Variants in PPP6C observed in about 807,000 individuals in gnomAD.
PPP6C encodes serine/threonine-protein phosphatase 6 catalytic subunit.
In PPP6C, 11 loss-of-function variants were observed where a neutral mutation model predicts 39.8. The ratio of observed to expected loss-of-function variants is 0.28; its 90% confidence interval spans 0.17 to 0.46. The LOEUF (loss-of-function observed/expected upper bound fraction) is 0.46, where lower values mean the gene tolerates loss of function less well. Among genes scored for constraint, PPP6C ranks in the 20% least tolerant of loss-of-function variants. The pLI is 1.00. For synonymous variants in PPP6C, 129 were observed against 130.3 expected (o/e 0.99, Z 0.07); for missense variants, 211 against 373.9 (o/e 0.56, Z 3.59).
chr9:125,150,030 A>C, intron 6 of PPP6C, 109 bp from the exon 7 acceptor site: 1 of 1,367,608 alleles, frequency 7.3e-7, no homozygotes, highest in Non-Finnish European at 9.8e-7. Context: ...CATCAAGATT[A>C]TAGAACGCAC....
chr9:125,181,238 C>T (rs115524234), intron 1 of PPP6C, among the ~76,000 whole-genome samples: 68 of 152,312 alleles, frequency 4.5e-4, no homozygotes, highest in African/African-American at 1.5e-3. Context: ...CCTCCCAAAC[C>T]CTTTACAGCT....
In PPP6C at chr9:125,149,745, T is replaced by C; in HGVS notation, c.846A>G (p.Pro282=). ...AATCTGGAACTGCCCGGAATAACTT[T>C]GGTTCTCTTGTATTTACATCTTTGA... The part of the protein sequence containing the change: ...MVFKDVNTRE[P]KLFRAVPDSE... Residue 282 remains proline, a synonymous_variant, in exon 7 of 7, where the codon CCA becomes CCG. Transcript: ENST00000373547. 6.2e-7 allele frequency: 1 copy of C among 1,614,150 alleles called. No individual in the cohort carries two copies. Among genetic ancestry groups the C allele is most frequent in the Non-Finnish European group, 8.5e-7 (1 of 1,180,022 alleles).
chr9:125,166,369 C>T (rs1434405934), intron 2 of PPP6C, among the ~76,000 whole-genome samples: 1 of 152,032 alleles, frequency 6.6e-6, no homozygotes, highest in Non-Finnish European at 1.5e-5. Flanking sequence ...AATTGTTCTC[C>T]TTGAAGTGAC....
intron 1 of PPP6C, among the ~76,000 whole-genome samples, chr9:125,180,525 C>A (rs571685073): frequency 6.6e-6 from 1 of 152,166 alleles, no homozygotes; most frequent in African/African-American, 2.4e-5. Flanking sequence ...CAGGTTCAAG[C>A]GATTCTCCTG....
chr9:125,184,429 CA>C (rs1829482400), intron 1 of PPP6C, among the ~76,000 whole-genome samples: 1 of 151,814 alleles, frequency 6.6e-6, no homozygotes, highest in African/African-American at 2.4e-5. Flanking sequence ...CACTATTGCA[CA>C]CCTGTACTCC....
chr9:125,158,412 A>T (rs1836132264), intron 3 of PPP6C, 30 bp from the exon 4 acceptor site: 1 of 1,597,206 alleles, frequency 6.3e-7, no homozygotes, highest in African/African-American at 1.3e-5. Flanking sequence ...AGTTACAAAC[A>T]ATACAATAGC....
At chr9:125,170,391 C>T (rs541938565) in intron 2 of PPP6C, among the ~76,000 whole-genome samples, 1 of 152,008 alleles carries the variant, frequency 6.6e-6, no homozygotes, top group South Asian at 2.1e-4. Context: ...CACGCACCAC[C>T]ATGCCCAGCT....
intron 1 of PPP6C, among the ~76,000 whole-genome samples, chr9:125,185,510 A>G (rs1829508507): frequency 6.6e-6 from 1 of 151,708 alleles, no homozygotes; most frequent in African/African-American, 2.4e-5. Context: ...CCTGGCCAAC[A>G]TGGTGAAACC....
intron 2 of PPP6C, among the ~76,000 whole-genome samples, chr9:125,161,410 G>A (rs1444624951): frequency 6.6e-6 from 1 of 151,960 alleles, no homozygotes; most frequent in Non-Finnish European, 1.5e-5. Flanking sequence ...TCTCCTCAAT[G>A]ATCAGTTAAA....
intron 6 of PPP6C, 124 bp from the exon 7 acceptor site, chr9:125,150,045 T>C: frequency 8.1e-7 from 1 of 1,241,226 alleles, no homozygotes; most frequent in Non-Finnish European, 1.1e-6. Flanking sequence ...ACGCACTCTA[T>C]AATTATCTCC....
chr9:125,150,754 G>T, intron 6 of PPP6C: 1 of 715,502 alleles, frequency 1.4e-6, no homozygotes, highest in Non-Finnish European at 2.5e-6. Flanking sequence ...GAGAAATTCA[G>T]CAACTAGGAG....
chr9:125,167,748 C>G (rs1001032569), intron 2 of PPP6C, among the ~76,000 whole-genome samples: 1 of 146,966 alleles, frequency 6.8e-6, no homozygotes, highest in Non-Finnish European at 1.5e-5. Context: ...AGTCTCAGGC[C>G]GGACGCAGTG....
chr9:125,179,267 C>G (rs568982210), intron 1 of PPP6C, among the ~76,000 whole-genome samples: 1 of 151,096 alleles, frequency 6.6e-6, no homozygotes, highest in Non-Finnish European at 1.5e-5. Context: ...TTATCAGACA[C>G]GTCTTTCACA....
chr9:125,179,887 C>T (rs954046882), intron 1 of PPP6C, among the ~76,000 whole-genome samples: 17 of 152,116 alleles, frequency 1.1e-4, no homozygotes, highest in African/African-American at 3.9e-4. Flanking sequence ...AGCTCCTGAC[C>T]TCAGGTGATC....
chr9:125,171,441 C>A (rs1032319286), intron 1 of PPP6C, among the ~76,000 whole-genome samples: 1 of 131,928 alleles, frequency 7.6e-6, no homozygotes, highest in Non-Finnish European at 1.6e-5. Flanking sequence ...ATGTTTTTCA[C>A]CAAACACACA....
chr9:125,155,214 T>C (rs1836039255), intron 4 of PPP6C, among the ~76,000 whole-genome samples: 1 of 152,028 alleles, frequency 6.6e-6, no homozygotes, highest in South Asian at 2.1e-4. Flanking sequence ...ACTGTCTACA[T>C]AGTTAATAGG....
intron 2 of PPP6C, among the ~76,000 whole-genome samples, chr9:125,168,603 C>T (rs901526859): frequency 3.9e-5 from 6 of 152,080 alleles, no homozygotes; most frequent in South Asian, 2.1e-4. Flanking sequence ...GGATTACAGG[C>T]GCCTGTCACC....
chr9:125,154,038 C>T (rs1482745642), intron 4 of PPP6C, 53 bp from the exon 5 acceptor site: 5 of 1,293,086 alleles, frequency 3.9e-6, no homozygotes, highest in Non-Finnish European at 5.6e-6. Flanking sequence ...TAAAAATAAA[C>T]AATATATCCA....
intron 1 of PPP6C, among the ~76,000 whole-genome samples, chr9:125,185,631 T>C (rs1484149742): frequency 6.9e-6 from 1 of 145,898 alleles, no homozygotes; most frequent in Non-Finnish European, 1.5e-5. Context: ...GAGGCGGAGG[T>C]TGCAGTGAGC....
Sources: allele counts gnomAD v4.1 joint callset (sites outside exome capture counted in the v4.1 genomes callset), GRCh38; gene constraint gnomAD v4.1.1; transcripts MANE v1.5; gene names NCBI Gene and HGNC (gene_info 2026-07-23, HGNC 2026-07-21).